ADAM28: variants seen among roughly 807,000 people sequenced by gnomAD.
ADAM28 encodes the protein disintegrin and metalloproteinase domain-containing protein 28.
ADAM28 carries 105 observed loss-of-function variants against 101.2 expected under a neutral mutation model. That is an observed-to-expected ratio of 1.04 (90% CI 0.89 to 1.22). The LOEUF is 1.22. Ranked by LOEUF, ADAM28 falls within the 50% of genes most tolerant of loss-of-function variation. The pLI, the probability that ADAM28 is intolerant of heterozygous loss-of-function variation, is 0.00. For synonymous variants in ADAM28, 322 were observed against 310.6 expected (o/e 1.04, Z -0.39); for missense variants, 1,028 against 945.4 (o/e 1.09, Z -1.15).
chr8:24,351,154 G>C, intron 19 of ADAM28, 78 bp from the exon 20 acceptor site: 1 of 1,193,294 alleles, frequency 8.4e-7, no homozygotes, highest in East Asian at 2.7e-5. Context: ...AAAAGAAGTT[G>C]GGAATCTTCT....
At position 24,323,742 on chromosome 8, in the gene ADAM28, A is replaced by G. The variant is rs1399141631; in HGVS notation, c.721-92A>G. The G allele has an allele frequency of 7.8e-6, 10 of 1,283,524 alleles. No individual in the cohort carries two copies. The African/African-American group carries it at 1.2e-4, about 16-fold the overall frequency. 79.5% of individuals were successfully genotyped at this position (1,283,524 alleles called of 1,614,324 possible). ...GAAATAAGGTTTTTATACTGCTGTG[A>G]TGAATGTTTAAAAATACAAAATATA... On this transcript the variant is annotated intron_variant, in intron 8 of 22. Coordinates refer to ENST00000265769, the MANE Select transcript of ADAM28 (RefSeq NM_014265.6).
At chr8:24,351,940 CT>C (rs754453749) in intron 20 of ADAM28, 46 bp from the exon 21 acceptor site, 1 of 1,593,056 alleles carries the variant, frequency 6.3e-7, no homozygotes, top group Non-Finnish European at 8.6e-7. Context: ...AAAAACTGTG[CT>C]TATGAAACTA....
chr8:24,336,290 T>C (rs1261109605), intron 14 of ADAM28, among the ~76,000 whole-genome samples: 1 of 151,896 alleles, frequency 6.6e-6, no homozygotes, highest in Non-Finnish European at 1.5e-5. Flanking sequence ...TTGTATAGTA[T>C]TAAATAACTT....
At chr8:24,308,206 G>A (rs1454908536) in intron 2 of ADAM28, among the ~76,000 whole-genome samples, 3 of 152,128 alleles carry the variant, frequency 2.0e-5, no homozygotes, top group African/African-American at 7.2e-5. Context: ...TACTTCTCTT[G>A]ATGCATACTT....
In ADAM28 at chr8:24,294,170, A is replaced by T; in HGVS notation, c.21A>T (p.Pro7=). Residue 7 remains proline, a synonymous_variant, in exon 1 of 23, where the codon CCA becomes CCT. Transcript: ENST00000265769. MLQGLL[P]VSLLLSVAVS... Reference sequence around the variant, plus strand: ...CCAGCATGTTGCAAGGTCTCCTGCCAGTCAGTCTCCTCCTCTCTGTTGCAG... The same window carrying T: ...CCAGCATGTTGCAAGGTCTCCTGCCTGTCAGTCTCCTCCTCTCTGTTGCAG... 2.5e-6 allele frequency: 4 copies of T among 1,614,186 alleles called. No individual in the cohort carries two copies. Among genetic ancestry groups the T allele is most frequent in the Non-Finnish European group, 3.4e-6 (4 of 1,180,010 alleles).
intron 9 of ADAM28, 49 bp downstream of exon 9, chr8:24,324,052 G>A: frequency 6.4e-7 from 1 of 1,568,354 alleles, no homozygotes. Context: ...TTTAGTGGAT[G>A]CTTTTCTGAG....
chr8:24,351,287 G>A lies in ADAM28; in HGVS notation c.2155G>A (p.Val719Ile), dbSNP rs1436856754. 1.9e-6 allele frequency: 3 copies of A among 1,613,226 alleles called. No individual in the cohort carries two copies. In the South Asian group the frequency reaches 3.3e-5, roughly 18 times the overall value. Residue 719 changes from valine to isoleucine, a missense_variant, in exon 20 of 23, where the codon GTA becomes ATA. Coordinates refer to ENST00000265769, the MANE Select transcript of ADAM28 (RefSeq NM_014265.6). ...CAAACAGAAGAGGAAACCCCAGATG[G>A]TAAAGGCTGTTCAACCCCAAGAGGT... is the stretch of plus-strand genomic sequence containing the variant. Reference protein sequence around the residue: ...PHKQKRKPQMVKAVQPQEMSQ... With the variant: ...PHKQKRKPQMIKAVQPQEMSQ...
intron 1 of ADAM28, among the ~76,000 whole-genome samples, chr8:24,297,077 G>T (rs894465430): frequency 1.3e-5 from 2 of 151,990 alleles, no homozygotes; most frequent in Non-Finnish European, 2.9e-5. Context: ...AGTGACAGGA[G>T]TTTGGAAGGA....
chr8:24,319,099 A>G lies in ADAM28; in HGVS notation c.577-1137A>G, dbSNP rs188815598. On this transcript the variant is annotated intron_variant, in intron 6 of 22. Transcript: ENST00000265769. ...TTGGTGACCTCCCCCATTATGTTAT[A>G]AAAACACAAGCACTTTTTTTCTATG... Among the ~76,000 whole-genome samples, 45 of 152,098 alleles carry G rather than the reference A, an allele frequency of 3.0e-4. No homozygotes were observed. The East Asian group carries it at 8.3e-3, about 28-fold the overall frequency.
At chr8:24,333,173 A>T (rs1813586950) in intron 13 of ADAM28, among the ~76,000 whole-genome samples, 1 of 152,180 alleles carries the variant, frequency 6.6e-6, no homozygotes, top group African/African-American at 2.4e-5. Flanking sequence ...GGAGGCTCGG[A>T]AAATGGGGAG....
intron 4 of ADAM28, among the ~76,000 whole-genome samples, chr8:24,310,605 T>C (rs917091219): frequency 1.3e-5 from 2 of 152,158 alleles, no homozygotes; most frequent in South Asian, 2.1e-4. Context: ...TCAATGGCAA[T>C]TGCAGAATTG....
intron 13 of ADAM28, among the ~76,000 whole-genome samples, chr8:24,333,509 C>G (rs1408496927): frequency 6.6e-6 from 1 of 152,032 alleles, no homozygotes; most frequent in Non-Finnish European, 1.5e-5. Context: ...TAAATACAGG[C>G]AACAAAAAAA....
intron 14 of ADAM28, 59 bp downstream of exon 14, chr8:24,335,700 G>T (rs1369916867): frequency 6.8e-7 from 1 of 1,479,122 alleles, no homozygotes; most frequent in Non-Finnish European, 9.0e-7. Flanking sequence ...TCAGATGACA[G>T]TGTTTAACCA....
At chr8:24,353,942 A>G (rs1816478605) in intron 22 of ADAM28, 110 bp downstream of exon 22, 3 of 698,726 alleles carry the variant, frequency 4.3e-6, no homozygotes, top group Non-Finnish European at 7.0e-6. Flanking sequence ...CAGTATCTGT[A>G]TGATTTGGAG....
chr8:24,351,179 T>TCATG, intron 19 of ADAM28, 53 bp from the exon 20 acceptor site: 2 of 1,390,224 alleles, frequency 1.4e-6, no homozygotes, highest in South Asian at 2.9e-5. Flanking sequence ...AGTTTCCCTG[T>TCATG]CATGCTGAAG....
intron 13 of ADAM28, among the ~76,000 whole-genome samples, chr8:24,333,634 G>T (rs1233342442): frequency 6.6e-6 from 1 of 152,164 alleles, no homozygotes; most frequent in African/African-American, 2.4e-5. Flanking sequence ...GGCTTTCTCA[G>T]GTCGAATCTC....
chr8:24,320,377 C>G (rs1811711461), intron 7 of ADAM28, 70 bp downstream of exon 7: 1 of 989,190 alleles, frequency 1.0e-6, no homozygotes, highest in African/African-American at 1.7e-5. Flanking sequence ...TTATGTGAGA[C>G]ATTAAATATC....
chr8:24,322,979 C>T (rs900290329), intron 8 of ADAM28, among the ~76,000 whole-genome samples: 2 of 151,832 alleles, frequency 1.3e-5, no homozygotes, highest in Non-Finnish European at 2.9e-5. Flanking sequence ...TTATTTGGTT[C>T]AATCCATGTT....
At chr8:24,350,733 G>A (rs980265475) in intron 19 of ADAM28, among the ~76,000 whole-genome samples, 2 of 152,170 alleles carry the variant, frequency 1.3e-5, no homozygotes, top group African/African-American at 4.8e-5. Context: ...AATTTTGCAA[G>A]GTTAGGAACT....
Sources: allele counts gnomAD v4.1 joint callset (sites outside exome capture counted in the v4.1 genomes callset), GRCh38; gene constraint gnomAD v4.1.1; transcripts MANE v1.5; gene names NCBI Gene and HGNC (gene_info 2026-07-23, HGNC 2026-07-21).